The following RYR2 variants were observed in gnomAD, a reference collection of about 807,000 sequenced individuals.
RYR2 encodes the protein ryanodine receptor 2, also known as cardiac muscle ryanodine receptor-calcium release channel.
A neutral mutation model predicts 601.1 loss-of-function variants in RYR2; 227 were observed. The ratio of observed to expected loss-of-function variants is 0.38; its 90% CI spans 0.34 to 0.42. The LOEUF is 0.42. Among genes scored for constraint, RYR2 ranks in the 10% least tolerant of loss-of-function variants. The pLI is 1.00. For missense variants in RYR2, 4,646 were observed against 6,156.5 expected (o/e 0.75, Z 8.21); for synonymous variants, 2,223 against 2,175.1 (o/e 1.02, Z -0.61).
At chr1:237,144,760 T>A (rs1673800856) in intron 1 of RYR2, among the ~76,000 whole-genome samples, 1 of 152,224 alleles carries the variant, frequency 6.6e-6, no homozygotes, top group Non-Finnish European at 1.5e-5. Context: ...GCTATTTTCC[T>A]CAGAGCTTTC....
At chr1:237,605,530 C>T (rs1439422621) in intron 35 of RYR2, among the ~76,000 whole-genome samples, 3 of 152,126 alleles carry the variant, frequency 2.0e-5, no homozygotes, top group African/African-American at 7.2e-5. Flanking sequence ...CTTCTCTCCC[C>T]ACTCCTATTC....
intron 79 of RYR2, among the ~76,000 whole-genome samples, chr1:237,735,862 C>T (rs1691095901): frequency 6.6e-6 from 1 of 152,206 alleles, no homozygotes; most frequent in South Asian, 2.1e-4. Context: ...AGTACAGACA[C>T]AATCACCCAT....
chr1:237,508,734 CTTTTTTTT>C (rs869044432), intron 23 of RYR2, among the ~76,000 whole-genome samples: 3 of 77,676 alleles, frequency 3.9e-5, no homozygotes, highest in Non-Finnish European at 7.5e-5. Context: ...TTCGGGTTTT[CTTTTTTTT>C]TTTTTTTTTT....
intron 3 of RYR2, among the ~76,000 whole-genome samples, chr1:237,355,579 C>T (rs1266405062): frequency 1.3e-5 from 2 of 152,108 alleles, no homozygotes; most frequent in African/African-American, 2.4e-5. Context: ...GACACTATGT[C>T]TCTAAATTGA....
intron 1 of RYR2, among the ~76,000 whole-genome samples, chr1:237,142,968 C>A (rs536291712): frequency 1.3e-5 from 2 of 152,184 alleles, no homozygotes; most frequent in South Asian, 4.2e-4. Flanking sequence ...GGCCGGCTCT[C>A]AATAGGTTTA....
intron 1 of RYR2, among the ~76,000 whole-genome samples, chr1:237,269,057 T>TTTTTTTTTTTAAACG (rs1689410141): frequency 8.0e-6 from 1 of 124,980 alleles, no homozygotes; most frequent in South Asian, 2.7e-4. Flanking sequence ...TTTTTTTTTT[T>TTTTTTTTTTTAAACG]GTGAGACAGA....
intron 1 of RYR2, among the ~76,000 whole-genome samples, chr1:237,099,375 C>A (rs564100695): frequency 6.6e-6 from 1 of 152,122 alleles, no homozygotes; most frequent in East Asian, 1.9e-4. Context: ...GTAGCTGGGA[C>A]CATAAGTGCA....
chr1:237,130,574 T>A (rs1672052115), intron 1 of RYR2, among the ~76,000 whole-genome samples: 1 of 152,058 alleles, frequency 6.6e-6, no homozygotes, highest in South Asian at 2.1e-4. Context: ...TAGCCAGGCG[T>A]GGTGGTGTGC....
intron 24 of RYR2, among the ~76,000 whole-genome samples, chr1:237,528,556 G>A (rs1031122971): frequency 3.9e-5 from 6 of 152,172 alleles, no homozygotes; most frequent in Admixed American, 3.9e-4. Flanking sequence ...CTGTCCGTGT[G>A]AGTTGAATTC....
At chr1:237,548,357 C>A in intron 25 of RYR2, 74 bp from the exon 26 acceptor site, 2 of 1,490,472 alleles carry the variant, frequency 1.3e-6, no homozygotes, top group South Asian at 1.2e-5. Flanking sequence ...TGAGGTAGGG[C>A]CAGAAAATGA....
At position 237,680,069 on chromosome 1, in the gene RYR2, G is replaced by A. The variant is rs146063014; in HGVS notation, c.8896-387G>A. Reference sequence around the variant, plus strand: ...TAATACCCATAATGCAGGGATGATGGCATCTACCCTACAGAGCAGTTGCTA... The same window carrying A: ...TAATACCCATAATGCAGGGATGATGACATCTACCCTACAGAGCAGTTGCTA... On this transcript the variant is annotated intron_variant, in intron 61 of 104. Transcript: ENST00000366574. 3.0e-3 allele frequency among the ~76,000 whole-genome samples: 456 copies of A among 152,262 alleles called. 1 individual carries two copies. The highest frequency in any genetic ancestry group is 5.3e-3 in the Non-Finnish European group (361 of 68,010).
At position 237,707,118 on chromosome 1, in the gene RYR2, G is replaced by A. The variant is rs775355706; in HGVS notation, c.9750G>A (p.Trp3250Ter). The change falls in exon 68 of 105, where the codon TGG becomes TGA. Residue 3250 changes from tryptophan (W) to a stop codon, truncating the protein, a stop_gained. Transcript: ENST00000366574. LOFTEE classifies it high-confidence loss of function. ...PMLCSYMSRW[W>*]EHGPENNPER... ...TTTGCAGCTACATGTCTCGTTGGTG[G>A]GAGCATGGACCTGAGAACAATCCAG... 1 of 1,613,800 alleles carries A rather than the reference G, an allele frequency of 6.2e-7. No individual in the cohort carries two copies. Among genetic ancestry groups the A allele is most frequent in the Non-Finnish European group, 8.5e-7 (1 of 1,179,882 alleles).
chr1:237,681,382 T>C (rs1211208794), intron 62 of RYR2, among the ~76,000 whole-genome samples: 2 of 152,130 alleles, frequency 1.3e-5, no homozygotes, highest in African/African-American at 2.4e-5. Flanking sequence ...TGAGATGAGA[T>C]TGCATACAGC....
intron 24 of RYR2, among the ~76,000 whole-genome samples, chr1:237,521,633 T>C (rs1220161518): frequency 1.3e-5 from 2 of 151,832 alleles, no homozygotes; most frequent in Non-Finnish European, 2.9e-5. Context: ...GGCAGGAGAA[T>C]TGCTTGAACC....
intron 10 of RYR2, among the ~76,000 whole-genome samples, chr1:237,407,743 A>G (rs866734747): frequency 6.6e-6 from 1 of 151,534 alleles, no homozygotes; most frequent in South Asian, 2.1e-4. Context: ...CAGCCTCCAG[A>G]GTAGCTATGA....
At chr1:237,213,185 T>A (rs1288146592) in intron 1 of RYR2, among the ~76,000 whole-genome samples, 2 of 152,002 alleles carry the variant, frequency 1.3e-5, no homozygotes, top group African/African-American at 4.8e-5. Context: ...GGTTTTTAAA[T>A]ATTTTTTTTT....
At chr1:237,492,293 A>G (rs1663447701) in intron 18 of RYR2, among the ~76,000 whole-genome samples, 1 of 152,182 alleles carries the variant, frequency 6.6e-6, no homozygotes, top group Non-Finnish European at 1.5e-5. Flanking sequence ...TGGCCTCCCA[A>G]AATTCTGGGA....
intron 1 of RYR2, among the ~76,000 whole-genome samples, chr1:237,123,101 C>A (rs1670993277): frequency 6.6e-6 from 1 of 152,142 alleles, no homozygotes; most frequent in Admixed American, 6.5e-5. Context: ...CCTGTCCTTG[C>A]TAGTACAGTG....
Position 237,595,572 on chromosome 1 carries a change from G to T in RYR2, c.4511G>T (p.Gly1504Val). The T allele has an allele frequency of 6.2e-7, 1 of 1,613,652 alleles. No individual in the cohort carries two copies. Among genetic ancestry groups the T allele is most frequent in the Non-Finnish European group, 8.5e-7 (1 of 1,179,746 alleles). Reference protein sequence around the residue: ...MSPGQGRNNNGLEIGCVVDAA... With the variant: ...MSPGQGRNNNVLEIGCVVDAA... ...CCCGGGCAAGGACGCAACAATAATGGACTGGAGATTGGCTGTGTGGTGGAT... is the reference window on the plus strand; with the variant it reads ...CCCGGGCAAGGACGCAACAATAATGTACTGGAGATTGGCTGTGTGGTGGAT... Residue 1504 changes from glycine (G) to valine (V), a missense_variant, in exon 34 of 105, where the codon GGA becomes GTA. This residue lies in a region of RYR2 where 1,807 missense variants were observed against 2,088.1 expected (regional missense o/e 0.87). Coordinates refer to ENST00000366574, the MANE Select transcript of RYR2 (RefSeq NM_001035.3).
Sources: allele counts gnomAD v4.1 joint callset (sites outside exome capture counted in the v4.1 genomes callset), GRCh38; gene constraint gnomAD v4.1.1; regional missense constraint gnomAD v4.1.1; transcripts MANE v1.5; gene names NCBI Gene and HGNC (gene_info 2026-07-23, HGNC 2026-07-21).